Variants in LRRTM4 observed in about 807,000 individuals in gnomAD.
LRRTM4 encodes the protein leucine-rich repeat transmembrane neuronal protein 4.
A neutral mutation model predicts 47.6 loss-of-function variants in LRRTM4; 25 were observed. That is an observed-to-expected ratio of 0.53 (90% confidence interval 0.38 to 0.73). The LOEUF (loss-of-function observed/expected upper bound fraction) is 0.73, where lower values mean the gene tolerates loss of function less well. LRRTM4 is among the 30% of genes least tolerant of loss of function. The pLI is 0.00. For synonymous variants in LRRTM4, 311 were observed against 269.5 expected (o/e 1.15, Z -1.51); for missense variants, 638 against 713.4 (o/e 0.89, Z 1.20).
chr2:77,128,474 G>A (rs538728627), intron 3 of LRRTM4, among the ~76,000 whole-genome samples: 3 of 152,134 alleles, frequency 2.0e-5, no homozygotes, highest in East Asian at 1.9e-4. Flanking sequence ...ATGTACCTGG[G>A]CCTATGTATT....
chr2:77,144,221 T>C (rs1304100146), intron 3 of LRRTM4, among the ~76,000 whole-genome samples: 1 of 152,072 alleles, frequency 6.6e-6, no homozygotes, highest in Non-Finnish European at 1.5e-5. Context: ...ATATGGATCT[T>C]CTTGGGAAGT....
At chr2:76,873,223 A>C (rs1166121656) in intron 3 of LRRTM4, among the ~76,000 whole-genome samples, 5 of 152,182 alleles carry the variant, frequency 3.3e-5, no homozygotes, top group Admixed American at 2.0e-4. Context: ...CTATGTAAGA[A>C]GGAAATTGAA....
At chr2:77,130,821 T>C (rs1671776431) in intron 3 of LRRTM4, among the ~76,000 whole-genome samples, 1 of 125,008 alleles carries the variant, frequency 8.0e-6, no homozygotes, top group African/African-American at 3.2e-5. Flanking sequence ...AATTATTTGT[T>C]CTATTTTTTT....
chr2:76,786,370 T>C (rs1308327728), intron 3 of LRRTM4, among the ~76,000 whole-genome samples: 2 of 152,050 alleles, frequency 1.3e-5, no homozygotes, highest in Non-Finnish European at 2.9e-5. Context: ...AAATGATGAA[T>C]AGGCAAATTG....
chr2:77,258,029 G>A (rs1421293214), intron 3 of LRRTM4, among the ~76,000 whole-genome samples: 1 of 151,714 alleles, frequency 6.6e-6, no homozygotes, highest in Non-Finnish European at 1.5e-5. Flanking sequence ...CTTGGAGGCA[G>A]AAGTTGTGGT....
intron 3 of LRRTM4, among the ~76,000 whole-genome samples, chr2:77,320,630 A>G (rs933145842): frequency 1.1e-4 from 17 of 152,192 alleles, no homozygotes; most frequent in African/African-American, 4.1e-4. Flanking sequence ...GAAAGAGACC[A>G]AATAAAATAT....
At chr2:77,371,855 G>A (rs1672667657) in intron 3 of LRRTM4, among the ~76,000 whole-genome samples, 1 of 151,732 alleles carries the variant, frequency 6.6e-6, no homozygotes, top group Non-Finnish European at 1.5e-5. Context: ...AACCTTTGAA[G>A]GGAAGGAGAT....
intron 3 of LRRTM4, among the ~76,000 whole-genome samples, chr2:77,034,086 A>G (rs1678756284): frequency 6.6e-6 from 1 of 151,826 alleles, no homozygotes; most frequent in East Asian, 1.9e-4. Context: ...TTATATTAAT[A>G]TTTTAATCTT....
intron 3 of LRRTM4, among the ~76,000 whole-genome samples, chr2:76,761,507 G>A (rs189789927): frequency 8.7e-4 from 133 of 152,234 alleles, no homozygotes; most frequent in African/African-American, 3.0e-3. Context: ...CTACTTGTAG[G>A]TGAATTTACC....
At chr2:76,940,293 G>A (rs1001562881) in intron 3 of LRRTM4, among the ~76,000 whole-genome samples, 1 of 152,026 alleles carries the variant, frequency 6.6e-6, no homozygotes, top group Non-Finnish European at 1.5e-5. Flanking sequence ...TGTACACCAA[G>A]GAACATGCAG....
intron 3 of LRRTM4, among the ~76,000 whole-genome samples, chr2:76,783,529 C>T (rs1674508707): frequency 6.6e-6 from 1 of 152,112 alleles, no homozygotes; most frequent in African/African-American, 2.4e-5. Flanking sequence ...CCTATTAAGG[C>T]GTAACTCCCC....
intron 3 of LRRTM4, among the ~76,000 whole-genome samples, chr2:76,846,006 G>A (rs758483660): frequency 5.3e-5 from 8 of 151,972 alleles, no homozygotes; most frequent in African/African-American, 9.7e-5. Context: ...TGGAAAATAC[G>A]GTATTTGCAG....
chr2:76,893,793 C>G (rs971362122), intron 3 of LRRTM4, among the ~76,000 whole-genome samples: 7 of 151,788 alleles, frequency 4.6e-5, no homozygotes, highest in African/African-American at 1.7e-4. Flanking sequence ...ATCAGAGACT[C>G]ATCTATGTGT....
Position 77,025,796 on chromosome 2 carries a change from T to A in LRRTM4, c.1552-276880A>T, listed in dbSNP as rs184485855. ...CCTACTGACTACACAAGTTGTATAATTTTTTTATCCTTTTATTCCTCATTT... is the reference window on the plus strand; with the variant it reads ...CCTACTGACTACACAAGTTGTATAAATTTTTTATCCTTTTATTCCTCATTT... On this transcript the variant is annotated intron_variant, in intron 3 of 3. Coordinates refer to ENST00000409884, the MANE Select transcript of LRRTM4 (RefSeq NM_001134745.3). 2.1e-3 allele frequency among the ~76,000 whole-genome samples: 326 copies of A among 152,048 alleles called. 7 individuals carry two copies. Among genetic ancestry groups the A allele is most frequent in the African/African-American group, 7.6e-3 (316 of 41,546 alleles).
At chr2:77,095,976 T>C (rs946642471) in intron 3 of LRRTM4, among the ~76,000 whole-genome samples, 5 of 151,488 alleles carry the variant, frequency 3.3e-5, no homozygotes, top group African/African-American at 1.2e-4. Flanking sequence ...CCAGAGTTAA[T>C]AATAATGTAT....
intron 3 of LRRTM4, among the ~76,000 whole-genome samples, chr2:77,150,130 TGTTAG>T (rs764645398): frequency 5.9e-5 from 9 of 151,578 alleles, no homozygotes; most frequent in Admixed American, 4.6e-4. Flanking sequence ...AGAGGTCGGT[TGTTAG>T]GTTAGGCTGT....
chr2:77,007,046 T>C (rs1489919774), intron 3 of LRRTM4, among the ~76,000 whole-genome samples: 1 of 152,114 alleles, frequency 6.6e-6, no homozygotes, highest in African/African-American at 2.4e-5. Flanking sequence ...TGTTCTTTAT[T>C]GTATGAACAG....
chr2:77,414,293 A>G (rs1373097783), intron 3 of LRRTM4, among the ~76,000 whole-genome samples: 1 of 152,162 alleles, frequency 6.6e-6, no homozygotes, highest in Non-Finnish European at 1.5e-5. Context: ...GAGTAAGCCA[A>G]ATCTTTGGCT....
At chr2:76,907,294 C>T (rs897624329) in intron 3 of LRRTM4, among the ~76,000 whole-genome samples, 14 of 119,300 alleles carry the variant, frequency 1.2e-4, no homozygotes, top group African/African-American at 3.7e-4. Flanking sequence ...TTTGAAACCA[C>T]GAGAACAAAG....
Sources: gnomAD v4.1 joint callset for allele counts (sites outside exome capture counted in the v4.1 genomes callset) on GRCh38, gnomAD v4.1.1 for gene constraint, MANE v1.5 for transcripts, NCBI Gene and HGNC (gene_info 2026-07-23, HGNC 2026-07-21) for gene names.